The following EYS variants were observed in gnomAD, a reference collection of about 807,000 sequenced individuals.
The protein encoded by EYS is protein eyes shut homolog.
Under a neutral mutation model 282.1 loss-of-function variants are expected in EYS, and 250 were observed. That is an observed-to-expected ratio of 0.89 (90% CI 0.80 to 0.98). The LOEUF is 0.98. Among genes scored for constraint, EYS ranks in the 50% least tolerant of loss-of-function variants. The probability of loss-of-function intolerance (pLI) is 0.00; values close to 1 mark genes in which losing one functional copy is unlikely to be tolerated. For synonymous variants in EYS, 1,355 were observed against 1,282.9 expected, an observed-to-expected ratio of 1.06 and a Z score of -1.20; for missense variants, 4,016 against 3,709.0, an observed-to-expected ratio of 1.08 and a Z score of -2.15.
At chr6:64,688,997 AG>A (rs1252710849) in intron 22 of EYS, among the ~76,000 whole-genome samples, 6 of 152,066 alleles carry the variant, frequency 3.9e-5, no homozygotes. Context: ...AAGGAAATAA[AG>A]GGCATTCAAT....
At chr6:63,919,151 G>A (rs1764499029) in intron 35 of EYS, among the ~76,000 whole-genome samples, 1 of 152,038 alleles carries the variant, frequency 6.6e-6, no homozygotes, top group South Asian at 2.1e-4. Flanking sequence ...GGAATGCAGG[G>A]CAGCAACCAT....
Position 64,816,875 on chromosome 6 carries a change from C to CA in EYS, c.3244-3299dup, listed in dbSNP as rs1229323124. On this transcript the variant is annotated intron_variant, in intron 21 of 42. Transcript: ENST00000503581. ...ATAGACTTAAAATATCTTAAATATC[C>CA]AAAAAAGGATACTAATTAAATAAAT... 3.3e-5 allele frequency among the ~76,000 whole-genome samples: 5 copies of CA among 150,680 alleles called. No homozygotes were observed. The South Asian group carries it at 8.3e-4, about 25-fold the overall frequency.
chr6:64,552,286 G>T (rs1467455552), intron 26 of EYS, among the ~76,000 whole-genome samples: 1 of 152,170 alleles, frequency 6.6e-6, no homozygotes, highest in Non-Finnish European at 1.5e-5. Context: ...AGAAATTGAA[G>T]TATTAATATT....
chr6:65,604,862 G>A (rs77543536), intron 2 of EYS, among the ~76,000 whole-genome samples: 3 of 68,858 alleles, frequency 4.4e-5, no homozygotes, highest in Non-Finnish European at 2.8e-5. Context: ...TTTTTTTTTT[G>A]AGACAGGGTC....
intron 37 of EYS, among the ~76,000 whole-genome samples, chr6:63,801,037 G>A (rs1166059183): frequency 6.6e-6 from 1 of 152,138 alleles, no homozygotes; most frequent in Non-Finnish European, 1.5e-5. Flanking sequence ...GTGCAAATGG[G>A]TAGGGGCTTG....
intron 32 of EYS, among the ~76,000 whole-genome samples, chr6:64,081,641 A>G (rs570884023): frequency 6.6e-6 from 1 of 152,186 alleles, no homozygotes; most frequent in Non-Finnish European, 1.5e-5. Flanking sequence ...CTGTCTTGTC[A>G]GCTCAGATCC....
At chr6:64,675,261 T>A in intron 22 of EYS, among the ~76,000 whole-genome samples, 1 of 152,166 alleles carries the variant, frequency 6.6e-6, no homozygotes. Context: ...TTCTATCATG[T>A]ACCATCTGTT....
intron 26 of EYS, among the ~76,000 whole-genome samples, chr6:64,520,573 T>G (rs1259486357): frequency 6.6e-6 from 1 of 151,724 alleles, no homozygotes; most frequent in Non-Finnish European, 1.5e-5. Context: ...GAATTAATAC[T>G]GTAGAGGATA....
At chr6:65,276,586 T>G (rs927365467) in intron 12 of EYS, among the ~76,000 whole-genome samples, 7 of 152,218 alleles carry the variant, frequency 4.6e-5, no homozygotes, top group African/African-American at 1.7e-4. Flanking sequence ...GAAGGCTATA[T>G]CTGGAATAAA....
chr6:65,577,750 T>A (rs76411123), intron 2 of EYS, among the ~76,000 whole-genome samples: 34,940 of 143,778 alleles, frequency 0.24, 4,307 homozygotes, highest in East Asian at 0.31. Context: ...AAGCCTGTTT[T>A]AAAAAAAAAA....
chr6:64,631,010 T>C (rs1438382432), intron 22 of EYS, among the ~76,000 whole-genome samples: 66 of 152,196 alleles, frequency 4.3e-4, no homozygotes, highest in Admixed American at 4.3e-3. Flanking sequence ...ACCCAACTTG[T>C]TTATACAAAA....
intron 22 of EYS, among the ~76,000 whole-genome samples, chr6:64,762,621 G>T (rs1404315827): frequency 1.3e-5 from 2 of 151,878 alleles, no homozygotes; most frequent in Admixed American, 6.6e-5. Context: ...ATATGCAGAT[G>T]GTTCCAAAAC....
At chr6:65,598,135 CA>C (rs1378220939) in intron 2 of EYS, among the ~76,000 whole-genome samples, 1 of 150,576 alleles carries the variant, frequency 6.6e-6, no homozygotes, top group Non-Finnish European at 1.5e-5. Context: ...AACAAACAAA[CA>C]AACAAACTCT....
In EYS at chr6:65,288,722, G is replaced by A. The variant is rs147178628; in HGVS notation, c.2023+7141C>T. On this transcript the variant is annotated intron_variant, in intron 12 of 42. Coordinates refer to ENST00000503581, the MANE Select transcript of EYS (RefSeq NM_001142800.2). ...TACAATGTGAGTAAATCTAATATTGGATGTATAAAATGATAACAATGTCTC... is the reference window on the plus strand; with the variant it reads ...TACAATGTGAGTAAATCTAATATTGAATGTATAAAATGATAACAATGTCTC... Among the ~76,000 whole-genome samples the A allele has an allele frequency of 4.7e-3, 709 of 151,100 alleles. 6 individuals carry two copies. The highest frequency in any genetic ancestry group is 0.016 in the African/African-American group (666 of 41,422).
chr6:65,071,272 A>C (rs1773895459), intron 12 of EYS, among the ~76,000 whole-genome samples: 1 of 151,942 alleles, frequency 6.6e-6, no homozygotes, highest in African/African-American at 2.4e-5. Flanking sequence ...TCTAGAGAGC[A>C]AGAAAGTTGT....
At chr6:65,076,184 A>C (rs978229720) in intron 12 of EYS, among the ~76,000 whole-genome samples, 4 of 152,058 alleles carry the variant, frequency 2.6e-5, no homozygotes, top group African/African-American at 7.2e-5. Context: ...AAAAATTTGA[A>C]ATAAATTCAG....
In EYS at chr6:65,586,619, G is replaced by A. The variant is rs116308890; in HGVS notation, c.-333+53159C>T. On this transcript the variant is annotated intron_variant, in intron 2 of 42. Coordinates refer to ENST00000503581, the MANE Select transcript of EYS (RefSeq NM_001142800.2). ...GGTTGAAACAACCGAAGAATGAAAC[G>A]CATAAAGAAGTGTGTTCATGCCCAC... is the stretch of plus-strand genomic sequence containing the variant. Among the ~76,000 whole-genome samples, 675 of 152,094 alleles carry A rather than the reference G, an allele frequency of 4.4e-3. 1 individual carries two copies. Among genetic ancestry groups the A allele is most frequent in the Middle Eastern group, 0.02 (6 of 294 alleles).
intron 22 of EYS, among the ~76,000 whole-genome samples, chr6:64,703,688 C>A (rs1209224814): frequency 1.3e-5 from 2 of 151,678 alleles, no homozygotes; most frequent in Admixed American, 1.3e-4. Context: ...TGTCAAAGTT[C>A]ATTGAACATT....
chr6:64,838,490 G>C lies in EYS; in HGVS notation c.2993-15668C>G, dbSNP rs147017644. On this transcript the variant is annotated intron_variant, in intron 19 of 42. Coordinates refer to ENST00000503581, the MANE Select transcript of EYS (RefSeq NM_001142800.2). ...AAAACAGTGCACACAGCATTTGCAG[G>C]CTTGCTGATCTGATTGAAATTTCTG... 9.1e-3 allele frequency among the ~76,000 whole-genome samples: 1,380 copies of C among 151,890 alleles called. 22 individuals are homozygous for C. Among genetic ancestry groups the C allele is most frequent in the African/African-American group, 0.031 (1,268 of 41,464 alleles).
Sources: gnomAD v4.1 joint callset for allele counts (sites outside exome capture counted in the v4.1 genomes callset) on GRCh38, gnomAD v4.1.1 for gene constraint, MANE v1.5 for transcripts, NCBI Gene and HGNC (gene_info 2026-07-23, HGNC 2026-07-21) for gene names.